The following CCDC149 variants were observed in gnomAD, a reference collection of about 807,000 sequenced individuals.
CCDC149 encodes coiled-coil domain containing 149, also known as coiled-coil domain-containing protein 149.
In CCDC149, 45 loss-of-function variants were observed where a neutral mutation model predicts 59.9. The observed-to-expected ratio is 0.75, with a 90% CI of 0.59 to 0.96. The LOEUF is 0.96. CCDC149 is among the 40% of genes least tolerant of loss of function. The pLI is 0.00. For missense variants in CCDC149, 584 were observed against 664.7 expected, an observed-to-expected ratio of 0.88 and a Z score of 1.33; for synonymous variants, 245 against 260.6, an observed-to-expected ratio of 0.94 and a Z score of 0.58.
intron 1 of CCDC149, among the ~76,000 whole-genome samples, chr4:24,909,328 GTGA>G (rs1312129528): frequency 6.6e-6 from 1 of 152,172 alleles, no homozygotes; most frequent in Non-Finnish European, 1.5e-5. Context: ...TAGCTGTGCA[GTGA>G]TGTCTTCCAC....
At chr4:24,886,904 T>C (rs552139369) in intron 1 of CCDC149, among the ~76,000 whole-genome samples, 9 of 152,172 alleles carry the variant, frequency 5.9e-5, no homozygotes, top group Admixed American at 2.6e-4. Context: ...CTCAGTAAAA[T>C]ATGCCTAGTT....
At chr4:24,953,800 A>G (rs1469471123) in intron 1 of CCDC149, among the ~76,000 whole-genome samples, 1 of 152,218 alleles carries the variant, frequency 6.6e-6, no homozygotes, top group African/African-American at 2.4e-5. Context: ...GAAAGTCAAG[A>G]AAATGATGTC....
rs73250622 is a variant in CCDC149, at chr4:24,903,184, G to A, written c.63+9633C>T. On this transcript the variant is annotated intron_variant, in intron 1 of 12. Transcript: ENST00000635206. ...CATTCTGCCTTTACGTCTAAGAAAG[G>A]CATAGCCCAGCAGAACACAGGTAAC... Among the ~76,000 whole-genome samples, 1,012 of 151,738 alleles carry A rather than the reference G, an allele frequency of 6.7e-3. 6 individuals are homozygous for A. The highest frequency in any genetic ancestry group is 0.012 in the Non-Finnish European group (789 of 67,968).
intron 12 of CCDC149, among the ~76,000 whole-genome samples, chr4:24,812,681 T>C (rs373487770): frequency 6.6e-6 from 1 of 152,184 alleles, no homozygotes; most frequent in Non-Finnish European, 1.5e-5. Flanking sequence ...GGGTAATTTA[T>C]AAAGGAAACA....
chr4:24,824,353 A>G (rs1261473543), intron 9 of CCDC149, among the ~76,000 whole-genome samples: 2 of 152,188 alleles, frequency 1.3e-5, no homozygotes, highest in African/African-American at 4.8e-5. Flanking sequence ...AAATGGACTC[A>G]GTAGAAGTTA....
rs552752840 is a variant in CCDC149, at chr4:24,897,419, G to C, written c.63+15398C>G. On this transcript the variant is annotated intron_variant, in intron 1 of 12. Transcript: ENST00000635206. ...TTTGGGCCAACATGAGAGCTGACGGGAGCTATGGAGGTCTGTGAGTGAGGA... is the reference window on the plus strand; with the variant it reads ...TTTGGGCCAACATGAGAGCTGACGGCAGCTATGGAGGTCTGTGAGTGAGGA... Among the ~76,000 whole-genome samples, 11 of 152,266 alleles carry C rather than the reference G, an allele frequency of 7.2e-5. 1 individual carries two copies. Among genetic ancestry groups the C allele is most frequent in the South Asian group, 2.1e-4 (1 of 4,818 alleles).
chr4:24,843,947 T>C (rs926991322), intron 4 of CCDC149, among the ~76,000 whole-genome samples: 1 of 152,094 alleles, frequency 6.6e-6, no homozygotes, highest in Non-Finnish European at 1.5e-5. Context: ...CATGCCACTC[T>C]CATGTCTGTC....
At chr4:24,933,376 A>G (rs1046702748) in intron 1 of CCDC149, among the ~76,000 whole-genome samples, 2 of 152,040 alleles carry the variant, frequency 1.3e-5, no homozygotes, top group African/African-American at 2.4e-5. Flanking sequence ...TTCTGGATTT[A>G]AAAAAACAAA....
upstream of CCDC149, among the ~76,000 whole-genome samples, chr4:24,917,599 G>A (rs1172283497): frequency 6.6e-6 from 1 of 152,144 alleles, no homozygotes; most frequent in Non-Finnish European, 1.5e-5. Flanking sequence ...AGGGCCTGGG[G>A]TGCCGGAGGA....
rs1324816027 is a variant in CCDC149, at chr4:24,876,591, G to T, written c.170C>A (p.Ala57Asp). ...CTGGTGGCGCTCCCGGAGCTGATTG[G>T]CCATGAGTTTGTACTGGTCCCTTTC... Residue 57 changes from alanine to aspartate, a missense_variant, in exon 2 of 13, where the codon GCC (alanine) becomes GAC (aspartate). Physicochemically the swap from Ala to Asp is moderately radical, Grantham distance 126. Transcript: ENST00000635206. 21 of 1,614,068 alleles carry T rather than the reference G, an allele frequency of 1.3e-5. No individual in the cohort carries two copies. The highest frequency in any genetic ancestry group is 1.7e-5 in the Non-Finnish European group (20 of 1,179,982).
Position 24,868,239 on chromosome 4 carries a change from C to T in CCDC149, c.264+5442G>A, listed in dbSNP as rs149291109. ...CCAAAGCTTTCTGCTTCTGGCTAAACGGAAAGTTTCAAGACAACCAGCCCC... is the reference window on the plus strand; with the variant it reads ...CCAAAGCTTTCTGCTTCTGGCTAAATGGAAAGTTTCAAGACAACCAGCCCC... On this transcript the variant is annotated intron_variant, in intron 3 of 12. Transcript: ENST00000635206. 4.0e-3 allele frequency among the ~76,000 whole-genome samples: 603 copies of T among 152,284 alleles called. 5 individuals are homozygous for T. The highest frequency in any genetic ancestry group is 3.9e-3 in the Non-Finnish European group (265 of 68,030).
At chr4:24,928,996 G>A (rs1475438976) in intron 1 of CCDC149, among the ~76,000 whole-genome samples, 1 of 152,194 alleles carries the variant, frequency 6.6e-6, no homozygotes. Context: ...ATTGAGCTAT[G>A]TGTCCGCCTA....
intron 1 of CCDC149, among the ~76,000 whole-genome samples, chr4:24,896,034 G>T (rs1280849581): frequency 1.3e-5 from 2 of 152,246 alleles, no homozygotes; most frequent in Admixed American, 1.3e-4. Flanking sequence ...AAGTGAGCAT[G>T]CAGGGCGCCT....
At chr4:24,823,539 T>G (rs1415545248) in intron 9 of CCDC149, among the ~76,000 whole-genome samples, 2 of 152,222 alleles carry the variant, frequency 1.3e-5, no homozygotes, top group African/African-American at 2.4e-5. Context: ...TATGTGGAAA[T>G]CACCTTAATA....
intron 1 of CCDC149, among the ~76,000 whole-genome samples, chr4:24,918,489 G>T (rs1196618150): frequency 1.3e-5 from 2 of 152,144 alleles, no homozygotes; most frequent in Non-Finnish European, 2.9e-5. Context: ...CTCTAGCCTG[G>T]CTGTGACCAA....
At chr4:24,843,498 A>T (rs1181191355) in intron 4 of CCDC149, among the ~76,000 whole-genome samples, 4 of 152,228 alleles carry the variant, frequency 2.6e-5, no homozygotes, top group African/African-American at 9.6e-5. Flanking sequence ...CCTTCAAAAA[A>T]ACTGGACATG....
chr4:24,826,596 G>A (rs138426571), intron 9 of CCDC149, among the ~76,000 whole-genome samples: 74 of 152,318 alleles, frequency 4.9e-4, no homozygotes, highest in Middle Eastern at 3.4e-3. Context: ...AGAAGGAACC[G>A]TGGAAGAGGC....
chr4:24,956,465 C>A (rs1723469315), intron 1 of CCDC149, among the ~76,000 whole-genome samples: 2 of 152,134 alleles, frequency 1.3e-5, no homozygotes, highest in Admixed American at 1.3e-4. Context: ...TAATTTCGGG[C>A]TATTAATATA....
In CCDC149 at chr4:24,873,380, C is replaced by A. The variant is rs369257826; in HGVS notation, c.264+301G>T. Reference sequence around the variant, plus strand: ...AAATGTTATATGCCCACAGCACGTGCCCACTGAACAGTAGGTAGCTCAAGT... The same window carrying A: ...AAATGTTATATGCCCACAGCACGTGACCACTGAACAGTAGGTAGCTCAAGT... On this transcript the variant is annotated intron_variant, in intron 3 of 12. Transcript: ENST00000635206. 2.0e-5 allele frequency among the ~76,000 whole-genome samples: 3 copies of A among 152,356 alleles called. No homozygotes were observed. The East Asian group carries it at 5.8e-4, about 29-fold the overall frequency.
Sources: allele counts gnomAD v4.1 joint callset (sites outside exome capture counted in the v4.1 genomes callset), GRCh38; gene constraint gnomAD v4.1.1; transcripts MANE v1.5; gene names NCBI Gene and HGNC (gene_info 2026-07-23, HGNC 2026-07-21).